The following MAP2 variants were observed in gnomAD, a reference collection of about 807,000 sequenced individuals.
The protein encoded by MAP2 is microtubule-associated protein 2.
MAP2 carries 14 observed loss-of-function variants against 137.6 expected under a neutral mutation model. The observed-to-expected ratio is 0.10, with a 90% confidence interval of 0.07 to 0.16. The LOEUF is 0.16. MAP2 is among the 10% of genes least tolerant of loss of function. MAP2 has a pLI of 1.00. For missense variants in MAP2, 2,088 were observed against 2,191.5 expected, an observed-to-expected ratio of 0.95 and a Z score of 0.94; for synonymous variants, 786 against 782.3, an observed-to-expected ratio of 1.00 and a Z score of -0.08.
At chr2:209,521,265 T>C (rs2063238586) in intron 2 of MAP2, among the ~76,000 whole-genome samples, 2 of 152,104 alleles carry the variant, frequency 1.3e-5, no homozygotes, top group Non-Finnish European at 2.9e-5. Flanking sequence ...CGTACATACA[T>C]GTACTTTACA....
chr2:209,588,043 T>A lies in MAP2; in HGVS notation c.-107+7943T>A, dbSNP rs2078218743. Among the ~76,000 whole-genome samples the A allele has an allele frequency of 2.0e-5, 3 of 152,180 alleles. No homozygotes were observed. The South Asian group carries it at 6.2e-4, about 32-fold the overall frequency. The stretch of plus-strand genomic sequence containing the variant: ...AACAGGCACCTTTGCACTGTATATG[T>A]TGTCTACATAGAAGATACTCTAGAT... On this transcript the variant is annotated intron_variant, in intron 3 of 15. Coordinates refer to ENST00000682079, the MANE Select transcript of MAP2 (RefSeq NM_001375505.1).
rs1028768251 is a variant in MAP2, at chr2:209,688,536, C to G, written c.455-4089C>G. On this transcript the variant is annotated intron_variant, in intron 7 of 15. Transcript: ENST00000682079. ...CATATCATGTAATCATCTACAGAAA[C>G]TACAGAGGCTTCCCCAGGTGACTAA... Among the ~76,000 whole-genome samples the G allele has an allele frequency of 1.2e-4, 18 of 152,246 alleles. No individual in the cohort carries two copies. In the East Asian group the frequency reaches 1.7e-3, roughly 15 times the overall value.
intron 4 of MAP2, among the ~76,000 whole-genome samples, chr2:209,633,142 T>A (rs1383568753): frequency 6.6e-6 from 1 of 152,198 alleles, no homozygotes; most frequent in African/African-American, 2.4e-5. Context: ...TAATTATTTA[T>A]TTTTGTATGC....
At chr2:209,488,158 G>A (rs778822468) in intron 1 of MAP2, among the ~76,000 whole-genome samples, 6 of 152,170 alleles carry the variant, frequency 3.9e-5, no homozygotes, top group Non-Finnish European at 7.4e-5. Flanking sequence ...GTGGGGTGTC[G>A]CCTCACCCAG....
At chr2:209,623,641 T>C (rs1349593073) in intron 3 of MAP2, among the ~76,000 whole-genome samples, 1 of 152,190 alleles carries the variant, frequency 6.6e-6, no homozygotes, top group Non-Finnish European at 1.5e-5. Flanking sequence ...TTTAATTTGC[T>C]AATAATCAAA....
intron 5 of MAP2, among the ~76,000 whole-genome samples, chr2:209,668,512 CA>C (rs1218621278): frequency 1.3e-5 from 2 of 151,848 alleles, no homozygotes; most frequent in African/African-American, 4.8e-5. Context: ...GTGCATTTAT[CA>C]ATACAGAGTC....
chr2:209,653,090 A>G (rs1447485153), intron 4 of MAP2, 52 bp from the exon 5 acceptor site: 2 of 1,417,698 alleles, frequency 1.4e-6, no homozygotes, highest in East Asian at 4.7e-5. Flanking sequence ...TACAACCAAT[A>G]TCAGATCAGA....
intron 3 of MAP2, among the ~76,000 whole-genome samples, chr2:209,592,968 AG>A (rs2079670851): frequency 6.6e-6 from 1 of 151,888 alleles, no homozygotes; most frequent in African/African-American, 2.4e-5. Context: ...TCTCCGTTCT[AG>A]GTTTTTTTTC....
chr2:209,714,244 A>G (rs957804854), intron 13 of MAP2, among the ~76,000 whole-genome samples: 2 of 152,168 alleles, frequency 1.3e-5, no homozygotes, highest in African/African-American at 4.8e-5. Context: ...CACAAGTTAT[A>G]TGCGCTTGTA....
At chr2:209,467,427 A>C (rs554604249) in intron 1 of MAP2, among the ~76,000 whole-genome samples, 2 of 152,308 alleles carry the variant, frequency 1.3e-5, no homozygotes, top group African/African-American at 4.8e-5. Context: ...ATTGAGGACT[A>C]CTTAAAATAT....
At chr2:209,594,095 C>T (rs2080532677) in intron 3 of MAP2, among the ~76,000 whole-genome samples, 1 of 136,748 alleles carries the variant, frequency 7.3e-6, no homozygotes, top group Non-Finnish European at 1.5e-5. Flanking sequence ...CTGCAGTGAG[C>T]TATGATTGTG....
At chr2:209,681,923 T>G (rs1200782200) in intron 7 of MAP2, among the ~76,000 whole-genome samples, 2 of 152,152 alleles carry the variant, frequency 1.3e-5, no homozygotes, top group Non-Finnish European at 2.9e-5. Flanking sequence ...TTAGCAAGGT[T>G]TTTCTTTCTT....
At position 209,535,558 on chromosome 2, in the gene MAP2, CT is replaced by C. The variant is rs1325695071; in HGVS notation, c.-172+27931del. 3.3e-3 allele frequency among the ~76,000 whole-genome samples: 455 copies of C among 137,644 alleles called. 1 individual carries two copies. Among genetic ancestry groups the C allele is most frequent in the Non-Finnish European group, 4.9e-3 (307 of 63,164 alleles). The allele number at this position is 137,644 out of a possible 152,430, so 90.3% of individuals were successfully genotyped here. A position where few individuals can be genotyped will look rare whatever the true frequency, so the allele number is the denominator to read the frequency against. ...CTTCCCTTGCAGTCTGGCAAAGTGT[CT>C]TTTTTTTTTTTTTCTGCAGAAGAAA... On this transcript the variant is annotated intron_variant, in intron 2 of 15. Coordinates refer to ENST00000682079, the MANE Select transcript of MAP2 (RefSeq NM_001375505.1).
chr2:209,723,638 C>T (rs1461520791), intron 13 of MAP2: 1 of 1,613,986 alleles, frequency 6.2e-7, no homozygotes, highest in Admixed American at 1.7e-5. Flanking sequence ...AAAGTTCAGT[C>T]CAGATGTGGT....
rs1314158426 is a variant in MAP2, at chr2:209,733,751, T to A, written c.*3354T>A. On this transcript the variant is annotated 3_prime_UTR_variant, in exon 16 of 16. Coordinates refer to ENST00000682079, the MANE Select transcript of MAP2 (RefSeq NM_001375505.1). ...CTAAAATAAGCATTGATGTTTTGAG[T>A]TTTTTTACACCTAGGATTTTTAGCT... 2 of 152,388 alleles carry A rather than the reference T, an allele frequency of 1.3e-5. No individual in the cohort carries two copies. The highest frequency in any genetic ancestry group is 1.9e-4 in the East Asian group (1 of 5,162). 9.4% of individuals were successfully genotyped at this position (152,388 alleles called of 1,614,324 possible).
intron 3 of MAP2, among the ~76,000 whole-genome samples, chr2:209,624,194 C>G (rs2153529086): frequency 6.6e-6 from 1 of 152,192 alleles, no homozygotes; most frequent in East Asian, 1.9e-4. Flanking sequence ...GGTTCCTTAC[C>G]TGTAGAGCAA....
At chr2:209,666,867 A>G (rs1277250593) in intron 5 of MAP2, among the ~76,000 whole-genome samples, 1 of 152,088 alleles carries the variant, frequency 6.6e-6, no homozygotes, top group Non-Finnish European at 1.5e-5. Flanking sequence ...AGTAAATTTT[A>G]TAATATCGAG....
intron 1 of MAP2, among the ~76,000 whole-genome samples, chr2:209,503,364 A>G (rs2060633243): frequency 6.6e-6 from 1 of 151,824 alleles, no homozygotes; most frequent in African/African-American, 2.4e-5. Context: ...CCCATTCTCT[A>G]GGTTACCTTT....
In MAP2 at chr2:209,428,922, A is replaced by AC. The variant is rs1559149514; in HGVS notation, c.-222+4646_-222+4647insC. 3.0e-5 allele frequency among the ~76,000 whole-genome samples: 4 copies of AC among 133,446 alleles called. No homozygotes were observed. The East Asian group carries it at 9.4e-4, about 31-fold the overall frequency. The allele number at this position is 133,446 out of a possible 152,430, so 87.5% of individuals were successfully genotyped here. ...AGCCTTCTTTGAATTACTTTATTTT[A>AC]TTTTATTTATTTATTTATTTATTTA... is the stretch of plus-strand genomic sequence containing the variant. On this transcript the variant is annotated intron_variant, in intron 1 of 15. Coordinates refer to ENST00000682079, the MANE Select transcript of MAP2 (RefSeq NM_001375505.1).
Sources: allele counts gnomAD v4.1 joint callset (sites outside exome capture counted in the v4.1 genomes callset), GRCh38; gene constraint gnomAD v4.1.1; transcripts MANE v1.5; gene names NCBI Gene and HGNC (gene_info 2026-07-23, HGNC 2026-07-21).